The following P3H2 variants were observed in gnomAD, a reference collection of about 807,000 sequenced individuals.
The protein encoded by P3H2 is prolyl 3-hydroxylase 2, also known as leprecan-like 1.
Under a neutral mutation model 87.0 loss-of-function variants are expected in P3H2, and 80 were observed. The observed-to-expected ratio is 0.92, with a 90% CI of 0.77 to 1.11. P3H2 has a LOEUF of 1.11. Ranked by LOEUF, P3H2 falls within the 50% of genes least tolerant of loss-of-function variation. P3H2 has a pLI of 0.00. For missense variants in P3H2, 1,001 were observed against 923.9 expected, an observed-to-expected ratio of 1.08 and a Z score of -1.08; for synonymous variants, 367 against 359.3, an observed-to-expected ratio of 1.02 and a Z score of -0.24.
chr3:190,077,661 A>C (rs1163289143), intron 1 of P3H2, among the ~76,000 whole-genome samples: 1 of 152,190 alleles, frequency 6.6e-6, no homozygotes, highest in Non-Finnish European at 1.5e-5. Flanking sequence ...TCATTGTGAG[A>C]CTCAAAAGAT....
chr3:190,112,589 C>T lies in P3H2; in HGVS notation c.480+7663G>A, dbSNP rs145452871. On this transcript the variant is annotated intron_variant, in intron 1 of 14. Coordinates refer to ENST00000319332, the MANE Select transcript of P3H2 (RefSeq NM_018192.4). The stretch of plus-strand genomic sequence containing the variant: ...TTCAGATGTACTTTCATTGTGTAGA[C>T]TACTAACAGGACAATGCAGGGGTAG... Among the ~76,000 whole-genome samples, 423 of 152,158 alleles carry T rather than the reference C, an allele frequency of 2.8e-3. 8 individuals are homozygous for T. Among genetic ancestry groups the T allele is most frequent in the Admixed American group, 0.023 (346 of 15,286 alleles).
chr3:190,008,895 C>G (rs1452036388), intron 1 of P3H2, among the ~76,000 whole-genome samples: 1 of 151,766 alleles, frequency 6.6e-6, no homozygotes, highest in Non-Finnish European at 1.5e-5. Flanking sequence ...CAGGCAAATA[C>G]CTATAATTTA....
rs182305864 is a variant in P3H2, at chr3:189,970,505, C to T, written c.1893+311G>A. Among the ~76,000 whole-genome samples, 495 of 151,754 alleles carry T rather than the reference C, an allele frequency of 3.3e-3. 1 individual carries two copies. Among genetic ancestry groups the T allele is most frequent in the African/African-American group, 0.011 (455 of 41,452 alleles). On this transcript the variant is annotated intron_variant, in intron 13 of 14. Transcript: ENST00000319332. ...GGTGACTTAGGAACTGACGTTCTTA[C>T]GTTTCCATCAGATTACTTGACAAAG...
intron 1 of P3H2, among the ~76,000 whole-genome samples, chr3:190,071,563 C>A (rs1726697922): frequency 6.6e-6 from 1 of 152,086 alleles, no homozygotes; most frequent in African/African-American, 2.4e-5. Context: ...AATGTAAAAG[C>A]ACAATTGTGC....
rs11311050 is a variant in P3H2 at position 189,984,606 on chromosome 3, TAA to T, written c.1189-18_1189-17del. ...TCCAATAATTCTGTTTTGAATCGAG[TAA>T]AAAAAAAAATGCAGTAATTTTGTCA... On this transcript the variant is annotated splice_polypyrimidine_tract_variant and intron_variant, in intron 6 of 14. Transcript: ENST00000319332. 10,971 of 1,371,708 alleles carry T rather than the reference TAA, an allele frequency of 8.0e-3. 258 individuals are homozygous for T. The African/African-American group carries it at 0.086, about 11-fold the overall frequency. The allele number at this position is 1,371,708 out of a possible 1,614,324, so 85.0% of individuals were successfully genotyped here. A position where few individuals can be genotyped will look rare whatever the true frequency, so the allele number is the denominator to read the frequency against.
At chr3:190,089,788 G>A (rs937148062) in intron 1 of P3H2, among the ~76,000 whole-genome samples, 2 of 152,192 alleles carry the variant, frequency 1.3e-5, no homozygotes, top group Admixed American at 1.3e-4. Flanking sequence ...GACAAGATGG[G>A]TGTCCAATCT....
In P3H2 at chr3:189,987,535, C is replaced by T. The variant is rs1439485497; in HGVS notation, c.1090G>A (p.Ala364Thr). The T allele has an allele frequency of 3.1e-6, 5 of 1,613,866 alleles. No individual in the cohort carries two copies. Among genetic ancestry groups the T allele is most frequent in the Non-Finnish European group, 4.2e-6 (5 of 1,179,878 alleles). ...CAAAACATTGGTCTCACCTCTCTGG[C>T]CTCAATGGATGCCGGGTCAATGCTA... Reference protein sequence around the residue: ...DDSIDPASIEAREDLTMFVKR... With the variant: ...DDSIDPASIETREDLTMFVKR... Residue 364 changes from alanine to threonine, a missense_variant, in exon 5 of 15, where the codon GCC becomes ACC. By Grantham distance (58) the Ala-to-Thr change is moderately conservative (BLOSUM62 0). Coordinates refer to ENST00000319332, the MANE Select transcript of P3H2 (RefSeq NM_018192.4).
At chr3:190,062,860 C>T (rs1726376469) in intron 1 of P3H2, among the ~76,000 whole-genome samples, 1 of 151,948 alleles carries the variant, frequency 6.6e-6, no homozygotes, top group African/African-American at 2.4e-5. Flanking sequence ...GAAGCAAGAC[C>T]CTGGCATAAT....
upstream of P3H2, among the ~76,000 whole-genome samples, chr3:190,122,000 G>C (rs1388078628): frequency 6.7e-6 from 1 of 149,210 alleles, no homozygotes; most frequent in Non-Finnish European, 1.5e-5. Context: ...GCTGAGGCAG[G>C]ATAATTGCTT....
At chr3:190,073,431 T>C (rs1405878305) in intron 1 of P3H2, among the ~76,000 whole-genome samples, 3 of 152,226 alleles carry the variant, frequency 2.0e-5, no homozygotes, top group African/African-American at 7.2e-5. Context: ...CCATAAACAA[T>C]CTGCTTGTTT....
At chr3:190,098,973 T>C in intron 1 of P3H2, among the ~76,000 whole-genome samples, 1 of 152,208 alleles carries the variant, frequency 6.6e-6, no homozygotes, top group South Asian at 2.1e-4. Flanking sequence ...ACAACGCTGT[T>C]TACTTTTATT....
At chr3:190,070,166 G>C (rs763296942) in intron 1 of P3H2, among the ~76,000 whole-genome samples, 2 of 152,074 alleles carry the variant, frequency 1.3e-5, no homozygotes, top group Non-Finnish European at 2.9e-5. Context: ...CAGATCCAGG[G>C]ATTTAGTCAA....
At chr3:190,121,336 A>G (rs1430322522), upstream of P3H2, among the ~76,000 whole-genome samples, 1 of 145,028 alleles carries the variant, frequency 6.9e-6, no homozygotes, top group Non-Finnish European at 1.5e-5. Flanking sequence ...CGGAACGTAA[A>G]GTTAAAAAAA....
At chr3:189,973,186 A>G in intron 10 of P3H2, 162 bp from the exon 11 acceptor site, 1 of 638,918 alleles carries the variant, frequency 1.6e-6, no homozygotes, top group Non-Finnish European at 2.7e-6. Flanking sequence ...ACATTGTGCC[A>G]TTGGAATAAA....
chr3:190,035,141 A>G (rs2594182), intron 1 of P3H2, among the ~76,000 whole-genome samples: 122,334 of 151,880 alleles, frequency 0.81, 49,321 homozygotes, highest in East Asian at 0.86. Flanking sequence ...AAGCCACCGC[A>G]TCTGCCCCCA....
chr3:189,989,138 C>T (rs1419019876), intron 3 of P3H2, 100 bp from the exon 4 acceptor site: 1 of 1,357,792 alleles, frequency 7.4e-7, no homozygotes, highest in Non-Finnish European at 1.0e-6. Context: ...CACCTCACCA[C>T]ACTGGAAGAC....
Position 189,979,724 on chromosome 3 carries a change from G to A in P3H2, c.1324+3322C>T, listed in dbSNP as rs1237264589. ...GGCCTGTAATCCCAGCACTTTGAGA[G>A]CCCAAGGCGGGTGGATCAACTGAGG... On this transcript the variant is annotated intron_variant, in intron 8 of 14. Transcript: ENST00000319332. 3.3e-5 allele frequency among the ~76,000 whole-genome samples: 5 copies of A among 152,070 alleles called. 1 individual carries two copies. The highest frequency in any genetic ancestry group is 3.3e-4 in the Admixed American group (5 of 15,266).
At chr3:190,018,722 A>G (rs1167051015) in intron 1 of P3H2, among the ~76,000 whole-genome samples, 2 of 152,146 alleles carry the variant, frequency 1.3e-5, no homozygotes, top group African/African-American at 4.8e-5. Context: ...AAAGGATAAA[A>G]AGATAAGTGC....
intron 1 of P3H2, among the ~76,000 whole-genome samples, chr3:190,061,747 GT>G (rs1726338938): frequency 6.6e-6 from 1 of 152,058 alleles, no homozygotes; most frequent in Admixed American, 6.6e-5. Context: ...GTCTTTAAGG[GT>G]TTCTTATTGC....
Sources: allele counts gnomAD v4.1 joint callset (sites outside exome capture counted in the v4.1 genomes callset), GRCh38; gene constraint gnomAD v4.1.1; transcripts MANE v1.5; gene names NCBI Gene and HGNC (gene_info 2026-07-23, HGNC 2026-07-21).